THSD7B: variants seen among roughly 807,000 people sequenced by gnomAD.
THSD7B encodes the protein thrombospondin type 1 domain containing 7B, also known as thrombospondin type-1 domain-containing protein 7B.
A neutral mutation model predicts 213.6 loss-of-function variants in THSD7B; 138 were observed. That is an observed-to-expected ratio of 0.65 (90% CI 0.56 to 0.74). The LOEUF (loss-of-function observed/expected upper bound fraction) is 0.74. THSD7B is among the 30% of genes least tolerant of loss of function. THSD7B has a pLI of 0.00. For missense variants in THSD7B, 1,931 were observed against 1,991.5 expected (o/e 0.97, Z 0.58); for synonymous variants, 742 against 687.0 (o/e 1.08, Z -1.25).
chr2:137,602,261 T>C (rs1479619835), intron 17 of THSD7B, among the ~76,000 whole-genome samples: 1 of 152,030 alleles, frequency 6.6e-6, no homozygotes, highest in Non-Finnish European at 1.5e-5. Context: ...GTTTTTTTGT[T>C]TTTGTTTTTG....
At chr2:136,904,220 C>T (rs1288648127) in intron 2 of THSD7B, among the ~76,000 whole-genome samples, 1 of 152,040 alleles carries the variant, frequency 6.6e-6, no homozygotes, top group Admixed American at 6.6e-5. Context: ...GTGGTACATG[C>T]CTGAGGTATC....
chr2:136,887,657 C>T (rs1430811029), intron 2 of THSD7B, among the ~76,000 whole-genome samples: 4 of 152,054 alleles, frequency 2.6e-5, no homozygotes, highest in African/African-American at 9.7e-5. Flanking sequence ...TTCCTGAGGT[C>T]TCACCAGAAG....
At chr2:137,266,124 T>A (rs532110406) in intron 10 of THSD7B, among the ~76,000 whole-genome samples, 6 of 152,356 alleles carry the variant, frequency 3.9e-5, no homozygotes, top group African/African-American at 1.4e-4. Flanking sequence ...ACTTCTTCTA[T>A]TTTTTAAAAT....
intron 1 of THSD7B, among the ~76,000 whole-genome samples, chr2:136,787,931 G>A (rs1429823608): frequency 6.6e-6 from 1 of 152,128 alleles, no homozygotes; most frequent in Non-Finnish European, 1.5e-5. Flanking sequence ...TCTGTGATTA[G>A]TGTGTAGCCT....
At chr2:136,924,970 A>T (rs1684498527) in intron 2 of THSD7B, among the ~76,000 whole-genome samples, 1 of 152,218 alleles carries the variant, frequency 6.6e-6, no homozygotes, top group Admixed American at 6.5e-5. Flanking sequence ...TTTTGAATTG[A>T]CCATTGTTAG....
intron 3 of THSD7B, among the ~76,000 whole-genome samples, chr2:137,089,785 G>T (rs1442817310): frequency 1.3e-5 from 2 of 152,132 alleles, no homozygotes; most frequent in Admixed American, 1.3e-4. Flanking sequence ...AAAGAGGGCA[G>T]ATCACCTGAG....
chr2:137,463,008 TCA>T (rs1687916399), intron 15 of THSD7B, among the ~76,000 whole-genome samples: 1 of 152,160 alleles, frequency 6.6e-6, no homozygotes, highest in Non-Finnish European at 1.5e-5. Context: ...TTGGCACTAT[TCA>T]CAGTTTCAGG....
intron 2 of THSD7B, among the ~76,000 whole-genome samples, chr2:136,930,438 G>T (rs1420402204): frequency 2.0e-5 from 3 of 152,148 alleles, no homozygotes; most frequent in African/African-American, 7.2e-5. Flanking sequence ...GATAAGGGAG[G>T]GCCAGCCACT....
chr2:137,365,334 A>C (rs1399507533), intron 12 of THSD7B, among the ~76,000 whole-genome samples: 1 of 152,232 alleles, frequency 6.6e-6, no homozygotes, highest in African/African-American at 2.4e-5. Context: ...GGCATGGGCA[A>C]GGACTTCATG....
chr2:137,374,046 C>T (rs1312937816), intron 12 of THSD7B, among the ~76,000 whole-genome samples: 1 of 152,026 alleles, frequency 6.6e-6, no homozygotes, highest in Non-Finnish European at 1.5e-5. Flanking sequence ...CTGTTCTGTT[C>T]CATTGATCTA....
intron 15 of THSD7B, among the ~76,000 whole-genome samples, chr2:137,460,136 A>G (rs1239573376): frequency 6.6e-6 from 1 of 152,164 alleles, no homozygotes; most frequent in Non-Finnish European, 1.5e-5. Flanking sequence ...GAGGAAACTA[A>G]GGTTTAGAAG....
intron 17 of THSD7B, among the ~76,000 whole-genome samples, chr2:137,584,678 G>C (rs1382075571): frequency 6.6e-6 from 1 of 152,212 alleles, no homozygotes; most frequent in African/African-American, 2.4e-5. Flanking sequence ...GCATCCTAGA[G>C]ATGAAGCCCA....
chr2:137,657,332 A>G (rs545114900), intron 24 of THSD7B, among the ~76,000 whole-genome samples, 172 bp downstream of exon 24: 2 of 152,356 alleles, frequency 1.3e-5, no homozygotes, highest in Admixed American at 1.3e-4. Context: ...AAAGCAATTC[A>G]ATTTTAAGAC....
intron 10 of THSD7B, among the ~76,000 whole-genome samples, chr2:137,245,094 A>G (rs1056742124): frequency 6.6e-6 from 1 of 152,134 alleles, no homozygotes; most frequent in Non-Finnish European, 1.5e-5. Flanking sequence ...GATGGAGCCC[A>G]TAGATCCATG....
At position 136,837,354 on chromosome 2, in the gene THSD7B, T is replaced by G. The variant is rs150364358; in HGVS notation, c.-35-44790T>G. Among the ~76,000 whole-genome samples, 514 of 152,316 alleles carry G rather than the reference T, an allele frequency of 3.4e-3. 2 individuals carry two copies. Among genetic ancestry groups the G allele is most frequent in the African/African-American group, 0.012 (497 of 41,576 alleles). ...TCTGCTCTAGCCATAGCCTCCCTTC[T>G]GGCCAACTAACTTTCCATCTCAGGG... On this transcript the variant is annotated intron_variant, in intron 1 of 27. Transcript: ENST00000409968.
rs575097453 is a variant in THSD7B at position 136,996,466 on chromosome 2, G to A, written c.140-59954G>A. On this transcript the variant is annotated intron_variant, in intron 2 of 27. Transcript: ENST00000409968. ...AGGCAATCCTCCCTTCTCAGCCTCT[G>A]GAGTAGATGGCACTACAGGCATGTA... is the stretch of plus-strand genomic sequence containing the variant. 1.1e-4 allele frequency among the ~76,000 whole-genome samples: 16 copies of A among 151,710 alleles called. No homozygotes were observed. In the East Asian group the frequency reaches 3.1e-3, roughly 29 times the overall value.
At chr2:137,618,217 T>G (rs1361728433) in intron 18 of THSD7B, among the ~76,000 whole-genome samples, 175 bp from the exon 19 acceptor site, 1 of 152,190 alleles carries the variant, frequency 6.6e-6, no homozygotes, top group East Asian at 1.9e-4. Flanking sequence ...TGTGTATTTG[T>G]TTTTTGTTCG....
At chr2:137,540,742 T>C (rs369738445) in intron 15 of THSD7B, among the ~76,000 whole-genome samples, 1 of 151,748 alleles carries the variant, frequency 6.6e-6, no homozygotes, top group African/African-American at 2.4e-5. Flanking sequence ...GAGGCAATTG[T>C]TTAACTTGTA....
At chr2:136,825,732 T>TTTTTTTTTTTTTTTTC in intron 1 of THSD7B, among the ~76,000 whole-genome samples, 1 of 148,898 alleles carries the variant, frequency 6.7e-6, no homozygotes, top group Non-Finnish European at 1.5e-5. Context: ...TTTTTTTTTT[T>TTTTTTTTTTTTTTTTC]TTAGATCTGG....
Sources: allele counts gnomAD v4.1 joint callset (sites outside exome capture counted in the v4.1 genomes callset), GRCh38; gene constraint gnomAD v4.1.1; transcripts MANE v1.5; gene names NCBI Gene and HGNC (gene_info 2026-07-23, HGNC 2026-07-21).